The following DRD2 variants were observed in gnomAD, a reference collection of about 807,000 sequenced individuals.
DRD2 encodes the protein D(2) dopamine receptor.
In DRD2, 8 loss-of-function variants were observed where a neutral mutation model predicts 38.0. That is an observed-to-expected ratio of 0.21 (90% CI 0.12 to 0.38). DRD2 has a LOEUF of 0.38. Among genes scored for constraint, DRD2 ranks in the 10% least tolerant of loss-of-function variants. DRD2 has a pLI of 1.00. For missense variants in DRD2, 403 were observed against 607.7 expected, an observed-to-expected ratio of 0.66 and a Z score of 3.54; for synonymous variants, 230 against 238.6, an observed-to-expected ratio of 0.96 and a Z score of 0.33.
At chr11:113,429,137 A>C (rs1390028844) in intron 1 of DRD2, among the ~76,000 whole-genome samples, 2 of 152,220 alleles carry the variant, frequency 1.3e-5, no homozygotes, top group African/African-American at 2.4e-5. Context: ...CAAACGTAGT[A>C]TATTTACACC....
intron 1 of DRD2, among the ~76,000 whole-genome samples, chr11:113,464,296 C>T (rs181614042): frequency 5.9e-5 from 9 of 152,294 alleles, no homozygotes; most frequent in South Asian, 2.1e-4. Context: ...GCACCACTTC[C>T]GCTGCGGCCC....
chr11:113,450,575 G>A (rs1286420955), intron 1 of DRD2, among the ~76,000 whole-genome samples: 1 of 152,216 alleles, frequency 6.6e-6, no homozygotes, highest in African/African-American at 2.4e-5. Flanking sequence ...GACCAACAGT[G>A]TTGGCTAGGT....
intron 1 of DRD2, among the ~76,000 whole-genome samples, chr11:113,471,126 T>G (rs553616933): frequency 7.9e-5 from 12 of 152,290 alleles, no homozygotes; most frequent in East Asian, 7.7e-4. Flanking sequence ...TACTCCTCCA[T>G]CCCCATGTGC....
At chr11:113,467,156 G>A (rs1951378416) in intron 1 of DRD2, among the ~76,000 whole-genome samples, 1 of 152,166 alleles carries the variant, frequency 6.6e-6, no homozygotes, top group African/African-American at 2.4e-5. Context: ...ATGAGTGAAA[G>A]AGTTGAAAGG....
chr11:113,447,465 C>G (rs1278604236), intron 1 of DRD2: 3 of 145,846 alleles, frequency 2.1e-5, no homozygotes, highest in Non-Finnish European at 3.1e-5. Flanking sequence ...GGCTTCCATA[C>G]CACCCTCTGA....
At chr11:113,467,199 T>C (rs1433377378) in intron 1 of DRD2, among the ~76,000 whole-genome samples, 1 of 152,150 alleles carries the variant, frequency 6.6e-6, no homozygotes, top group African/African-American at 2.4e-5. Flanking sequence ...CCAAGGAAGA[T>C]GACCCAGGAA....
At chr11:113,415,009 T>A (rs1021749693) in intron 5 of DRD2, among the ~76,000 whole-genome samples, 1 of 151,598 alleles carries the variant, frequency 6.6e-6, no homozygotes, top group Admixed American at 6.6e-5. Context: ...GGAGAGGAAG[T>A]CAGGAAAAGT....
intron 1 of DRD2, among the ~76,000 whole-genome samples, chr11:113,467,492 A>G (rs1212680099): frequency 6.6e-6 from 1 of 152,214 alleles, no homozygotes; most frequent in African/African-American, 2.4e-5. Context: ...TGCAGAACAC[A>G]TATTTCTGCC....
intron 1 of DRD2, among the ~76,000 whole-genome samples, chr11:113,441,210 G>A (rs964621168): frequency 6.6e-6 from 1 of 152,180 alleles, no homozygotes. Context: ...CCCAACTTAT[G>A]GGCAGACCAT....
intron 2 of DRD2, among the ~76,000 whole-genome samples, chr11:113,423,284 T>G (rs1027921350): frequency 1.8e-5 from 1 of 55,188 alleles, no homozygotes; most frequent in Non-Finnish European, 9.2e-5. Context: ...TTTAATTTTA[T>G]TTTTTTTTTG....
intron 1 of DRD2, among the ~76,000 whole-genome samples, chr11:113,426,252 G>T (rs993206186): frequency 7.2e-5 from 11 of 151,988 alleles, no homozygotes; most frequent in African/African-American, 2.7e-4. Flanking sequence ...TTTCTGCGTG[G>T]GGCTCTGGGA....
rs115148265 is a variant in DRD2, at chr11:113,453,421, A to T, written c.-32+21655T>A. 5.8e-3 allele frequency among the ~76,000 whole-genome samples: 881 copies of T among 152,312 alleles called. 7 individuals are homozygous for T. Among genetic ancestry groups the T allele is most frequent in the African/African-American group, 0.02 (827 of 41,554 alleles). On this transcript the variant is annotated intron_variant, in intron 1 of 7. Coordinates refer to ENST00000362072, the MANE Select transcript of DRD2 (RefSeq NM_000795.4). ...TACCATACGCACTCAGTCCGTGTTA[A>T]CTATTTTAACTGAGAAAGCTTTGAA...
chr11:113,419,725 T>C (rs1950867423), intron 2 of DRD2, among the ~76,000 whole-genome samples: 1 of 152,178 alleles, frequency 6.6e-6, no homozygotes, highest in African/African-American at 2.4e-5. Context: ...ACCGTGTAGC[T>C]TGGCAGCAGG....
chr11:113,453,255 A>C (rs1031400919), intron 1 of DRD2, among the ~76,000 whole-genome samples: 1 of 152,096 alleles, frequency 6.6e-6, no homozygotes, highest in African/African-American at 2.4e-5. Flanking sequence ...AACCCACTTA[A>C]CTGCTGCTGC....
At chr11:113,460,002 T>C (rs1951302785) in intron 1 of DRD2, among the ~76,000 whole-genome samples, 1 of 152,170 alleles carries the variant, frequency 6.6e-6, no homozygotes, top group African/African-American at 2.4e-5. Flanking sequence ...GTGCTGTGGG[T>C]CTGGGAAGAA....
chr11:113,423,762 C>G (rs1384060850), intron 2 of DRD2, among the ~76,000 whole-genome samples: 3 of 152,180 alleles, frequency 2.0e-5, no homozygotes, highest in Non-Finnish European at 4.4e-5. Context: ...AGGGCTACAG[C>G]ACAGTCCATG....
At chr11:113,465,193 T>C (rs982294371) in intron 1 of DRD2, among the ~76,000 whole-genome samples, 3 of 152,036 alleles carry the variant, frequency 2.0e-5, no homozygotes, top group Non-Finnish European at 4.4e-5. Flanking sequence ...ATCTGCTTCC[T>C]GGGTTCAGGT....
intron 1 of DRD2, among the ~76,000 whole-genome samples, chr11:113,428,312 C>A (rs1950957653): frequency 6.6e-6 from 1 of 152,212 alleles, no homozygotes; most frequent in Admixed American, 6.5e-5. Context: ...CCACAGGGCA[C>A]CCTGCCAGTT....
At chr11:113,416,785 C>A in intron 4 of DRD2, 78 bp downstream of exon 4, 1 of 1,570,044 alleles carries the variant, frequency 6.4e-7, no homozygotes, top group Non-Finnish European at 8.7e-7. Context: ...GTGCCAGGGA[C>A]TCTGCTCCCT....
Sources: allele counts gnomAD v4.1 joint callset (sites outside exome capture counted in the v4.1 genomes callset), GRCh38; gene constraint gnomAD v4.1.1; transcripts MANE v1.5; gene names NCBI Gene and HGNC (gene_info 2026-07-23, HGNC 2026-07-21).